Variants in KIRREL3 observed in about 807,000 individuals in gnomAD.
KIRREL3 encodes kirre like nephrin family adhesion molecule 3.
In KIRREL3, 36 loss-of-function variants were observed where a neutral mutation model predicts 89.7. That is an observed-to-expected ratio of 0.40 (90% confidence interval 0.31 to 0.53). The LOEUF is 0.53. Among genes scored for constraint, KIRREL3 ranks in the 20% least tolerant of loss-of-function variants. The pLI is 0.49. For synonymous variants in KIRREL3, 445 were observed against 441.4 expected, an observed-to-expected ratio of 1.01 and a Z score of -0.10; for missense variants, 864 against 1,056.6, an observed-to-expected ratio of 0.82 and a Z score of 2.53.
rs1050416167 is a variant in KIRREL3, at chr11:126,490,142, C to G, written c.434-16676G>C. Among the ~76,000 whole-genome samples, 15 of 142,748 alleles carry G rather than the reference C, an allele frequency of 1.1e-4. No individual in the cohort carries two copies. Among genetic ancestry groups the G allele is most frequent in the Non-Finnish European group, 2.1e-4 (14 of 66,560 alleles). 93.6% of individuals were successfully genotyped at this position (142,748 alleles called of 152,430 possible). ...ATTCGTGTTTGTGGCCAGAGGCATACATAATCCAAATCTGGTGTATAATTG... is the reference window on the plus strand; with the variant it reads ...ATTCGTGTTTGTGGCCAGAGGCATAGATAATCCAAATCTGGTGTATAATTG... On this transcript the variant is annotated intron_variant, in intron 4 of 16. Transcript: ENST00000525144. This position sits in a 1 kb window ranked among gnomAD's most constrained non-coding sequence, Gnocchi z 4.2.
At chr11:126,633,089 T>C (rs1944113469) in intron 1 of KIRREL3, among the ~76,000 whole-genome samples, 2 of 152,066 alleles carry the variant, frequency 1.3e-5, no homozygotes, top group South Asian at 4.2e-4. Flanking sequence ...CTAAAAAAAA[T>C]AAATAAACTT....
rs996756084 is a variant in KIRREL3, at chr11:126,890,553, G to C, written c.55+109902C>G. Among the ~76,000 whole-genome samples, 5 of 152,234 alleles carry C rather than the reference G, an allele frequency of 3.3e-5. No individual in the cohort carries two copies. Among genetic ancestry groups the C allele is most frequent in the Non-Finnish European group, 5.9e-5 (4 of 68,046 alleles). On this transcript the variant is annotated intron_variant, in intron 1 of 16. Coordinates refer to ENST00000525144, the MANE Select transcript of KIRREL3 (RefSeq NM_032531.4). The surrounding 1 kb of genome is among the most constrained non-coding windows in gnomAD (Gnocchi z 5.1). ...GGTGACCAAATCCCTCCAGTTTTCT[G>C]CTCCCTGGCTGTGGACAGAAGGCAC...
At chr11:126,466,527 T>C (rs1245637857) in intron 5 of KIRREL3, among the ~76,000 whole-genome samples, 1 of 152,192 alleles carries the variant, frequency 6.6e-6, no homozygotes, top group East Asian at 1.9e-4. Flanking sequence ...GGGCGGGATG[T>C]GGAGGGGCAC....
chr11:126,906,427 A>C lies in KIRREL3; in HGVS notation c.55+94028T>G, dbSNP rs1260772813. On this transcript the variant is annotated intron_variant, in intron 1 of 16. Transcript: ENST00000525144. This position sits in a 1 kb window ranked among gnomAD's most constrained non-coding sequence, Gnocchi z 4.1. Reference sequence around the variant, plus strand: ...AGGCTTAAGGAACGGAAGTATTAGCAGCAAGGTTACTCCCAAAGAGACATG... The same window carrying C: ...AGGCTTAAGGAACGGAAGTATTAGCCGCAAGGTTACTCCCAAAGAGACATG... Among the ~76,000 whole-genome samples the C allele has an allele frequency of 6.6e-6, 1 of 152,218 alleles. No individual in the cohort carries two copies. The highest frequency in any genetic ancestry group is 1.5e-5 in the Non-Finnish European group (1 of 68,036).
Position 126,431,823 on chromosome 11 carries a change from G to A in KIRREL3, c.1589-297C>T, listed in dbSNP as rs1235303024. Among the ~76,000 whole-genome samples the A allele has an allele frequency of 1.3e-5, 2 of 152,174 alleles. No individual in the cohort carries two copies. The highest frequency in any genetic ancestry group is 2.9e-5 in the Non-Finnish European group (2 of 68,014). ...GCAGACACGGAGAAGGGAGGGCCAG[G>A]GGACAGGAAGACCGGAGATGAGGGG... On this transcript the variant is annotated intron_variant, in intron 13 of 16. Transcript: ENST00000525144. The surrounding 1 kb of genome is among the most constrained non-coding windows in gnomAD (Gnocchi z 7.1).
At chr11:126,593,934 G>T (rs7927242) in intron 1 of KIRREL3, among the ~76,000 whole-genome samples, 1 of 152,120 alleles carries the variant, frequency 6.6e-6, no homozygotes, top group Admixed American at 6.5e-5. Context: ...CCACCCAGAG[G>T]GCAAGGCCAG....
At chr11:126,929,036 G>T (rs1172116882) in intron 1 of KIRREL3, among the ~76,000 whole-genome samples, 1 of 152,188 alleles carries the variant, frequency 6.6e-6, no homozygotes, top group Non-Finnish European at 1.5e-5. Context: ...CAGAGGTCAA[G>T]TTCAGATGTA....
chr11:126,473,204 T>A, intron 5 of KIRREL3, 105 bp downstream of exon 5: 7 of 341,824 alleles, frequency 2.0e-5, no homozygotes, highest in Non-Finnish European at 2.2e-5. Context: ...TTTAGCCCCC[T>A]CCTTACCTAG....
Position 126,454,629 on chromosome 11 carries a change from C to A in KIRREL3, c.848+1720G>T, listed in dbSNP as rs930010483. On this transcript the variant is annotated intron_variant, in intron 7 of 16. Coordinates refer to ENST00000525144, the MANE Select transcript of KIRREL3 (RefSeq NM_032531.4). The surrounding 1 kb of genome is among the most constrained non-coding windows in gnomAD (Gnocchi z 5.8). ...CTGAACTTGTATGGAGAAACCCAGG[C>A]CTGGCAGGTGCAGCGTGGAAGCCTA... Among the ~76,000 whole-genome samples, 2 of 152,062 alleles carry A rather than the reference C, an allele frequency of 1.3e-5. No homozygotes were observed. The highest frequency in any genetic ancestry group is 2.1e-4 in the South Asian group (1 of 4,800).
chr11:126,885,169 G>A (rs1282058358), intron 1 of KIRREL3, among the ~76,000 whole-genome samples: 3 of 152,128 alleles, frequency 2.0e-5, no homozygotes, highest in African/African-American at 4.8e-5. Context: ...CTTGGACAAC[G>A]ACTTACTTTT....
chr11:126,879,724 T>A lies in KIRREL3; in HGVS notation c.55+120731A>T, dbSNP rs185383951. 2.3e-3 allele frequency among the ~76,000 whole-genome samples: 347 copies of A among 152,306 alleles called. 1 individual carries two copies. The highest frequency in any genetic ancestry group is 3.1e-3 in the Non-Finnish European group (213 of 68,034). On this transcript the variant is annotated intron_variant, in intron 1 of 16. Transcript: ENST00000525144. This position sits in a 1 kb window ranked among gnomAD's most constrained non-coding sequence, Gnocchi z 5.4. ...CATTTAACCTTTGCACATTTCTGAGTGGGTCATCTGAGAGAATTATCCTTT... is the reference window on the plus strand; with the variant it reads ...CATTTAACCTTTGCACATTTCTGAGAGGGTCATCTGAGAGAATTATCCTTT...
In KIRREL3 at chr11:126,810,670, G is replaced by T. The variant is rs189954475; in HGVS notation, c.55+189785C>A. 3.0e-3 allele frequency among the ~76,000 whole-genome samples: 453 copies of T among 152,276 alleles called. 8 individuals carry two copies. The highest frequency in any genetic ancestry group is 1.6e-3 in the Non-Finnish European group (106 of 68,022). ...TTTTAGAGGCTGCTTGCAGCCAGAG[G>T]TCTTTACATTGAAGAGGGAAATTGC... On this transcript the variant is annotated intron_variant, in intron 1 of 16. Transcript: ENST00000525144.
intron 1 of KIRREL3, among the ~76,000 whole-genome samples, chr11:126,862,468 G>A (rs547136857): frequency 5.9e-5 from 9 of 152,180 alleles, no homozygotes; most frequent in Non-Finnish European, 8.8e-5. Flanking sequence ...CTTTTCTTCC[G>A]CTGGGTAAAT....
In KIRREL3 at chr11:126,904,961, TG is replaced by T. The variant is rs1565402826; in HGVS notation, c.55+95493del. Among the ~76,000 whole-genome samples, 4 of 152,044 alleles carry T rather than the reference TG, an allele frequency of 2.6e-5. No homozygotes were observed. Among genetic ancestry groups the T allele is most frequent in the African/African-American group, 9.7e-5 (4 of 41,394 alleles). On this transcript the variant is annotated intron_variant, in intron 1 of 16. Coordinates refer to ENST00000525144, the MANE Select transcript of KIRREL3 (RefSeq NM_032531.4). This position sits in a 1 kb window ranked among gnomAD's most constrained non-coding sequence, Gnocchi z 4.4. ...GGGATGATGATGATGATGATGATGATGATACAGAAATAGTGTGTAAAAAAAT... is the reference window on the plus strand; with the variant it reads ...GGGATGATGATGATGATGATGATGATATACAGAAATAGTGTGTAAAAAAAT...
rs544321119 is a variant in KIRREL3, at chr11:126,523,188, G to T, written c.284-1724C>A. On this transcript the variant is annotated intron_variant, in intron 3 of 16. Coordinates refer to ENST00000525144, the MANE Select transcript of KIRREL3 (RefSeq NM_032531.4). The surrounding 1 kb of genome is among the most constrained non-coding windows in gnomAD (Gnocchi z 4.9). ...CTGGGATGCCAGAGAGTGTAGTGAG[G>T]TCCCCATCACTGGCTGTATTCAAGC... 2.6e-5 allele frequency among the ~76,000 whole-genome samples: 4 copies of T among 152,200 alleles called. No individual in the cohort carries two copies. The East Asian group carries it at 7.7e-4, about 29-fold the overall frequency.
rs1955038307 is a variant in KIRREL3, at chr11:126,429,082, G to C, written c.1806+97C>G. The C allele has an allele frequency of 1.3e-6, 1 of 775,352 alleles. No homozygotes were observed. The highest frequency in any genetic ancestry group is 1.7e-5 in the South Asian group (1 of 60,028). 48.0% of individuals were successfully genotyped at this position (775,352 alleles called of 1,614,324 possible). A position where few individuals can be genotyped will look rare whatever the true frequency, so the allele number is the denominator to read the frequency against. ...CAGGGGGCATCTTGAACGCTGCTCT[G>C]CTTTTTGGAAGCATCTAGTTCATTG... On this transcript the variant is annotated intron_variant, in intron 15 of 16. Coordinates refer to ENST00000525144, the MANE Select transcript of KIRREL3 (RefSeq NM_032531.4). The surrounding 1 kb of genome is among the most constrained non-coding windows in gnomAD (Gnocchi z 5.2).
chr11:126,767,119 A>G (rs1029268307), intron 1 of KIRREL3, among the ~76,000 whole-genome samples: 2 of 152,258 alleles, frequency 1.3e-5, no homozygotes, highest in African/African-American at 4.8e-5. Context: ...AAAGCATATC[A>G]GTGCAAAGAC....
intron 1 of KIRREL3, among the ~76,000 whole-genome samples, chr11:126,801,483 T>G (rs1951031572): frequency 6.6e-6 from 1 of 152,210 alleles, no homozygotes; most frequent in Non-Finnish European, 1.5e-5. Context: ...CCCAAATCTC[T>G]CATATGTGGA....
chr11:126,968,899 T>G (rs1415298352), intron 1 of KIRREL3, among the ~76,000 whole-genome samples: 1 of 152,150 alleles, frequency 6.6e-6, no homozygotes, highest in Non-Finnish European at 1.5e-5. Context: ...TGTACCTCTC[T>G]GAGACTCAGT....
Sources: gnomAD v4.1 joint callset for allele counts (sites outside exome capture counted in the v4.1 genomes callset) on GRCh38, gnomAD v4.1.1 for gene constraint, Gnocchi (gnomAD v3.1) non-coding constraint, MANE v1.5 for transcripts, NCBI Gene and HGNC (gene_info 2026-07-23, HGNC 2026-07-21) for gene names.